The following DDX6 variants were observed in gnomAD, a reference collection of about 807,000 sequenced individuals.
DDX6 encodes probable ATP-dependent RNA helicase DDX6.
A neutral mutation model predicts 60.6 loss-of-function variants in DDX6; 7 were observed. The ratio of observed to expected loss-of-function variants is 0.12; its 90% CI spans 0.07 to 0.22. DDX6 has a LOEUF of 0.22. Among genes scored for constraint, DDX6 ranks in the 10% least tolerant of loss-of-function variants. The probability of loss-of-function intolerance (pLI) is 1.00; values close to 1 mark genes in which losing one functional copy is unlikely to be tolerated. For synonymous variants in DDX6, 207 were observed against 201.0 expected (o/e 1.03, Z -0.25); for missense variants, 270 against 589.9 (o/e 0.46, Z 5.62).
chr11:118,782,154 C>T (rs1276825448), intron 2 of DDX6, among the ~76,000 whole-genome samples: 4 of 152,000 alleles, frequency 2.6e-5, no homozygotes, highest in Non-Finnish European at 2.9e-5. Context: ...CAAGATCCTG[C>T]GCCAGAGCAA....
chr11:118,775,246 G>A (rs1344754677), intron 4 of DDX6, among the ~76,000 whole-genome samples: 1 of 152,152 alleles, frequency 6.6e-6, no homozygotes, highest in Non-Finnish European at 1.5e-5. Context: ...AACCCGGGAG[G>A]CAGAGGTTGC....
chr11:118,763,202 G>A lies in DDX6; in HGVS notation c.741+10C>T. 1.9e-6 allele frequency: 3 copies of A among 1,570,304 alleles called. No individual in the cohort carries two copies. Among genetic ancestry groups the A allele is most frequent in the Non-Finnish European group, 2.6e-6 (3 of 1,157,118 alleles). Reference sequence around the variant, plus strand: ...ACAGAACAGTATAATGCCAAATGAAGAGACATTACCTCATCCAATACTATC... The same window carrying A: ...ACAGAACAGTATAATGCCAAATGAAAAGACATTACCTCATCCAATACTATC... On this transcript the variant is annotated intron_variant, in intron 7 of 13. Coordinates refer to ENST00000534980, the MANE Select transcript of DDX6 (RefSeq NM_004397.6).
At chr11:118,780,492 T>A (rs1454017479) in intron 3 of DDX6, among the ~76,000 whole-genome samples, 1 of 152,090 alleles carries the variant, frequency 6.6e-6, no homozygotes, top group Non-Finnish European at 1.5e-5. Flanking sequence ...AATTTTTGTA[T>A]TTTTAGTAGA....
rs1427473340 is a variant in DDX6 at position 118,748,802 on chromosome 11, A to T, written c.*3303T>A. ...CATCAGAATGAGATGTTTTGATTCC[A>T]ACAATTTATACTCAAGGCTTTGTGC... On this transcript the variant is annotated 3_prime_UTR_variant, in exon 14 of 14. Coordinates refer to ENST00000534980, the MANE Select transcript of DDX6 (RefSeq NM_004397.6). 6.7e-6 allele frequency: 1 copy of T among 149,306 alleles called. No homozygotes were observed. Among genetic ancestry groups the T allele is most frequent in the East Asian group, 2.0e-4 (1 of 5,090 alleles). 9.2% of individuals were successfully genotyped at this position (149,306 alleles called of 1,614,324 possible).
chr11:118,752,276 T>TAGAC (rs1215202991), intron 13 of DDX6, among the ~76,000 whole-genome samples, 179 bp from the exon 14 acceptor site: 31 of 152,100 alleles, frequency 2.0e-4, no homozygotes, highest in Admixed American at 3.3e-4. Context: ...CTGAGATAGA[T>TAGAC]TGGGGGCCTG....
chr11:118,781,530 ATATC>A, intron 2 of DDX6, among the ~76,000 whole-genome samples: 1 of 152,292 alleles, frequency 6.6e-6, no homozygotes, highest in South Asian at 2.1e-4. Context: ...AAGATTTTAT[ATATC>A]TTATATAACT....
intron 4 of DDX6, among the ~76,000 whole-genome samples, chr11:118,779,319 A>G (rs1042707540): frequency 6.6e-6 from 1 of 152,202 alleles, no homozygotes; most frequent in South Asian, 2.1e-4. Flanking sequence ...GTATAGAAGA[A>G]AAAAACTGCT....
chr11:118,767,540 T>C, intron 5 of DDX6: 1 of 152,100 alleles, frequency 6.6e-6, no homozygotes, highest in East Asian at 1.9e-4. Context: ...CAAGGAATTC[T>C]GTTAACACTC....
intron 9 of DDX6, among the ~76,000 whole-genome samples, chr11:118,758,057 G>A (rs1861038558): frequency 6.6e-6 from 1 of 152,174 alleles, no homozygotes; most frequent in South Asian, 2.1e-4. Flanking sequence ...CTAAACAAGA[G>A]GACAGAGATT....
intron 9 of DDX6, among the ~76,000 whole-genome samples, chr11:118,757,586 T>C (rs561744959): frequency 9.3e-4 from 136 of 146,670 alleles, no homozygotes; most frequent in Non-Finnish European, 1.7e-3. Flanking sequence ...TTTAAAAATA[T>C]TTTATTTTAT....
At chr11:118,775,294 C>T (rs10892289) in intron 4 of DDX6, among the ~76,000 whole-genome samples, 25,807 of 152,022 alleles carry the variant, frequency 0.17, 2,456 homozygotes, top group South Asian at 0.29. Context: ...CCAGCCTGAG[C>T]GACAGAGCAA....
intron 7 of DDX6, among the ~76,000 whole-genome samples, chr11:118,763,008 A>T (rs1555160584): frequency 6.6e-6 from 1 of 152,232 alleles, no homozygotes; most frequent in African/African-American, 2.4e-5. Context: ...TCTAAGAAAA[A>T]GACAAAATGC....
intron 4 of DDX6, among the ~76,000 whole-genome samples, chr11:118,776,671 A>G (rs1233181801): frequency 2.6e-5 from 4 of 152,000 alleles, no homozygotes; most frequent in Non-Finnish European, 4.4e-5. Flanking sequence ...CATCTCTACT[A>G]AAACACAAAA....
intron 2 of DDX6, among the ~76,000 whole-genome samples, chr11:118,785,317 T>C (rs536251529): frequency 6.6e-6 from 1 of 152,174 alleles, no homozygotes; most frequent in East Asian, 1.9e-4. Flanking sequence ...CTGTGTTCTG[T>C]GAGTTCAAAA....
chr11:118,773,758 GCAGGAGAACTGCTTGAGGC>G (rs1555163064), intron 4 of DDX6, among the ~76,000 whole-genome samples: 1 of 151,752 alleles, frequency 6.6e-6, no homozygotes, highest in Non-Finnish European at 1.5e-5. Context: ...CAAGGCTGAG[GCAGGAGAACTGCTTGAGGC>G]CAGGAGTTCA....
At chr11:118,766,574 A>G (rs1861361419) in intron 5 of DDX6, among the ~76,000 whole-genome samples, 1 of 152,162 alleles carries the variant, frequency 6.6e-6, no homozygotes, top group African/African-American at 2.4e-5. Context: ...CAGCAATACT[A>G]TTATATAAAT....
chr11:118,779,612 G>C lies in DDX6; in HGVS notation c.369+20C>G, dbSNP rs1555164264. The C allele has an allele frequency of 2.0e-6, 3 of 1,513,124 alleles. No homozygotes were observed. The highest frequency in any genetic ancestry group is 1.8e-6 in the Non-Finnish European group (2 of 1,097,650). 93.7% of individuals were successfully genotyped at this position (1,513,124 alleles called of 1,614,324 possible). A position where few individuals can be genotyped will look rare whatever the true frequency, so the allele number is the denominator to read the frequency against. On this transcript the variant is annotated intron_variant, in intron 4 of 13. Transcript: ENST00000534980. ...GGTTGACACATAACCTTACATATGT[G>C]ATAAAAAGGGTTAACATACCTGAAT...
chr11:118,781,775 A>T (rs2137538232), intron 2 of DDX6, among the ~76,000 whole-genome samples: 1 of 151,758 alleles, frequency 6.6e-6, no homozygotes, highest in African/African-American at 2.4e-5. Context: ...TGAAAATACA[A>T]AAATTAGCCA....
In DDX6 at chr11:118,763,301, C is replaced by T; in HGVS notation, c.652G>A (p.Val218Met). The T allele has an allele frequency of 1.9e-6, 3 of 1,610,662 alleles. No individual in the cohort carries two copies. The highest frequency in any genetic ancestry group is 2.5e-6 in the Non-Finnish European group (3 of 1,177,640). The change falls in exon 7 of 14, where the codon GTG becomes ATG. Residue 218 changes from valine to methionine, a missense_variant. Physicochemically the swap from Val to Met is conservative, Grantham distance 21 (BLOSUM62 1). Around this residue, in one of 8 missense-constraint regions of DDX6, gnomAD observed 17 missense variants for 81.7 expected, o/e 0.21. Transcript: ENST00000534980. ...DIMRLDDTVH[V>M]VIATPGRILD... Reference sequence around the variant, plus strand: ...ATTCTCCCAGGGGTAGCAATCACCACGTGCACTATGCAAGATTTAGAAAAC... The same window carrying T: ...ATTCTCCCAGGGGTAGCAATCACCATGTGCACTATGCAAGATTTAGAAAAC...
Sources: gnomAD v4.1 joint callset for allele counts (sites outside exome capture counted in the v4.1 genomes callset) on GRCh38, gnomAD v4.1.1 for gene constraint, gnomAD v4.1.1 regional missense constraint, MANE v1.5 for transcripts, NCBI Gene and HGNC (gene_info 2026-07-23, HGNC 2026-07-21) for gene names.